The following MYO1E variants were observed in gnomAD, a reference collection of about 807,000 sequenced individuals.
The protein encoded by MYO1E is unconventional myosin-Ie.
Under a neutral mutation model 151.1 loss-of-function variants are expected in MYO1E, and 68 were observed. The observed-to-expected ratio is 0.45, with a 90% CI of 0.37 to 0.55. The LOEUF (loss-of-function observed/expected upper bound fraction) is 0.55, where lower values mean the gene tolerates loss of function less well. MYO1E is among the 20% of genes least tolerant of loss of function. The probability of loss-of-function intolerance (pLI) is 0.00; values close to 1 mark genes in which losing one functional copy is unlikely to be tolerated. For missense variants in MYO1E, 1,363 were observed against 1,389.3 expected, an observed-to-expected ratio of 0.98 and a Z score of 0.30; for synonymous variants, 601 against 501.7, an observed-to-expected ratio of 1.20 and a Z score of -2.64.
intron 1 of MYO1E, among the ~76,000 whole-genome samples, chr15:59,294,467 A>C (rs2080437579): frequency 6.6e-6 from 1 of 152,210 alleles, no homozygotes; most frequent in Admixed American, 6.5e-5. Flanking sequence ...ACCCCATTGA[A>C]CTTGGAAATA....
chr15:59,314,144 G>C (rs1030385094), intron 1 of MYO1E, among the ~76,000 whole-genome samples: 13 of 152,192 alleles, frequency 8.5e-5, no homozygotes, highest in African/African-American at 3.1e-4. Context: ...GGTAGCCAGA[G>C]GGGCAGAGGT....
intron 9 of MYO1E, among the ~76,000 whole-genome samples, chr15:59,222,692 A>T (rs1419877455): frequency 6.6e-6 from 1 of 152,220 alleles, no homozygotes; most frequent in Non-Finnish European, 1.5e-5. Flanking sequence ...AGTTACTGAA[A>T]AGGTTTTGAT....
At position 59,205,553 on chromosome 15, in the gene MYO1E, T is replaced by C; in HGVS notation, c.1531-68A>G. The C allele has an allele frequency of 6.0e-6, 8 of 1,331,312 alleles. No homozygotes were observed. The South Asian group carries it at 9.9e-5, about 16-fold the overall frequency. 82.5% of individuals were successfully genotyped at this position (1,331,312 alleles called of 1,614,324 possible). ...GTAATTAATTGAACAAAATCATTTA[T>C]TGAACAAAAAATCTAATTTCACCAA... On this transcript the variant is annotated intron_variant, in intron 14 of 27. Coordinates refer to ENST00000288235, the MANE Select transcript of MYO1E (RefSeq NM_004998.4).
intron 22 of MYO1E, among the ~76,000 whole-genome samples, chr15:59,167,037 T>G (rs2079566961): frequency 6.6e-6 from 1 of 152,200 alleles, no homozygotes; most frequent in Non-Finnish European, 1.5e-5. Context: ...CCCATGATGT[T>G]GACAACTTCC....
chr15:59,147,148 G>C (rs190748626), intron 26 of MYO1E, among the ~76,000 whole-genome samples: 2 of 152,010 alleles, frequency 1.3e-5, no homozygotes, highest in African/African-American at 2.4e-5. Flanking sequence ...GATGGCTGCC[G>C]AATCTCACAA....
intron 26 of MYO1E, among the ~76,000 whole-genome samples, chr15:59,146,161 G>T (rs916977539): frequency 6.6e-6 from 1 of 152,168 alleles, no homozygotes; most frequent in Admixed American, 6.5e-5. Context: ...TGGGACTACA[G>T]CCATGTGCCA....
intron 25 of MYO1E, among the ~76,000 whole-genome samples, chr15:59,156,917 A>G (rs566853221): frequency 6.6e-6 from 1 of 152,206 alleles, no homozygotes; most frequent in East Asian, 1.9e-4. Context: ...TATGTCAGTT[A>G]TATTTTTACT....
intron 1 of MYO1E, among the ~76,000 whole-genome samples, chr15:59,296,984 C>T (rs1262611969): frequency 1.7e-5 from 2 of 115,718 alleles, no homozygotes; most frequent in African/African-American, 2.9e-5. Flanking sequence ...GGACTACAGG[C>T]GCCCGCTACC....
chr15:59,321,746 C>G (rs141381854), intron 1 of MYO1E, among the ~76,000 whole-genome samples: 2 of 152,012 alleles, frequency 1.3e-5, no homozygotes, highest in African/African-American at 4.8e-5. Flanking sequence ...ACAAAAAATA[C>G]AAAAATTTGC....
At chr15:59,368,713 T>G (rs2080928480) in intron 1 of MYO1E, among the ~76,000 whole-genome samples, 1 of 151,770 alleles carries the variant, frequency 6.6e-6, no homozygotes, top group African/African-American at 2.4e-5. Flanking sequence ...GCCAGTGCAC[T>G]CCAGCCCGGG....
At chr15:59,358,221 G>C (rs1246814943) in intron 1 of MYO1E, among the ~76,000 whole-genome samples, 1 of 152,026 alleles carries the variant, frequency 6.6e-6, no homozygotes, top group Non-Finnish European at 1.5e-5. Flanking sequence ...TTAGGGAAGA[G>C]GAGGAGGAGG....
Position 59,231,800 on chromosome 15 carries a change from G to C in MYO1E, c.421-9C>G, listed in dbSNP as rs2080029920. On this transcript the variant is annotated splice_polypyrimidine_tract_variant and intron_variant, in intron 5 of 27. Transcript: ENST00000288235. ...ATAATGTCCTTCACGTGCTGTCCCA[G>C]CAAATAGACCGGAGGTTAGGAAGGT... The C allele has an allele frequency of 6.2e-7, 1 of 1,613,846 alleles. No homozygotes were observed. Among genetic ancestry groups the C allele is most frequent in the Non-Finnish European group, 8.5e-7 (1 of 1,179,866 alleles).
rs2079363974 is a variant in MYO1E at position 59,134,982 on chromosome 15, C to G, written c.*2398G>C. On this transcript the variant is annotated 3_prime_UTR_variant, in exon 28 of 28. Transcript: ENST00000288235. ...TTTATCCCAGATTTTTCTGGTAGTC[C>G]CCATGTTGAATTTCTAAATATATAC... 6.6e-6 allele frequency: 1 copy of G among 152,086 alleles called. No homozygotes were observed. The highest frequency in any genetic ancestry group is 1.5e-5 in the Non-Finnish European group (1 of 68,012). 9.4% of individuals were successfully genotyped at this position (152,086 alleles called of 1,614,324 possible).
intron 22 of MYO1E, among the ~76,000 whole-genome samples, chr15:59,165,244 C>G (rs114005264): frequency 6.6e-6 from 1 of 152,070 alleles, no homozygotes; most frequent in Non-Finnish European, 1.5e-5. Context: ...TGGCAGTACG[C>G]GCAAACCATG....
chr15:59,170,314 C>A (rs1275198487), intron 22 of MYO1E, among the ~76,000 whole-genome samples: 1 of 152,232 alleles, frequency 6.6e-6, no homozygotes, highest in Admixed American at 6.5e-5. Context: ...CTCGGCACAG[C>A]GACTACACAC....
At chr15:59,320,336 G>A (rs2080618051) in intron 1 of MYO1E, among the ~76,000 whole-genome samples, 1 of 151,932 alleles carries the variant, frequency 6.6e-6, no homozygotes, top group South Asian at 2.1e-4. Context: ...AAATTCCTAT[G>A]AAACCAAAAA....
At position 59,236,736 on chromosome 15, in the gene MYO1E, T is replaced by TC. The variant is rs2080069109; in HGVS notation, c.333-65dup. 6 of 1,351,638 alleles carry TC rather than the reference T, an allele frequency of 4.4e-6. No homozygotes were observed. In the Admixed American group the frequency reaches 8.4e-5, roughly 19 times the overall value. 83.7% of individuals were successfully genotyped at this position (1,351,638 alleles called of 1,614,324 possible). On this transcript the variant is annotated intron_variant, in intron 4 of 27. Coordinates refer to ENST00000288235, the MANE Select transcript of MYO1E (RefSeq NM_004998.4). ...ATTGCGACCAGCTCCCTTCCTTGTC[T>TC]CCCCCATCACACAAAACAAACAAAC... is the stretch of plus-strand genomic sequence containing the variant.
At chr15:59,334,890 A>G (rs1265177723) in intron 1 of MYO1E, among the ~76,000 whole-genome samples, 1 of 152,180 alleles carries the variant, frequency 6.6e-6, no homozygotes, top group Non-Finnish European at 1.5e-5. Flanking sequence ...TGCTCCATCC[A>G]CTTAGATGTC....
At chr15:59,152,049 C>A (rs150222283) in intron 26 of MYO1E, among the ~76,000 whole-genome samples, 1,518 of 151,196 alleles carry the variant, frequency 0.01, 27 homozygotes, top group African/African-American at 0.035. Context: ...GCCTGGCAAC[C>A]GAGTGAGACT....
Sources: gnomAD v4.1 joint callset for allele counts (sites outside exome capture counted in the v4.1 genomes callset) on GRCh38, gnomAD v4.1.1 for gene constraint, MANE v1.5 for transcripts, NCBI Gene and HGNC (gene_info 2026-07-23, HGNC 2026-07-21) for gene names.